The following ARID2 variants were observed in gnomAD, a reference collection of about 807,000 sequenced individuals.
ARID2 encodes the protein AT-rich interactive domain-containing protein 2.
Under a neutral mutation model 184.6 loss-of-function variants are expected in ARID2, and 32 were observed. The ratio of observed to expected loss-of-function variants is 0.17; its 90% CI spans 0.13 to 0.23. The LOEUF is 0.23. ARID2 is among the 10% of genes least tolerant of loss of function. The pLI is 1.00. For synonymous variants in ARID2, 836 were observed against 772.6 expected, an observed-to-expected ratio of 1.08 and a Z score of -1.36; for missense variants, 1,696 against 2,197.6, an observed-to-expected ratio of 0.77 and a Z score of 4.56.
At chr12:45,879,397 AGTC>A (rs1451220196) in intron 16 of ARID2, among the ~76,000 whole-genome samples, 3 of 152,208 alleles carry the variant, frequency 2.0e-5, no homozygotes, top group Non-Finnish European at 4.4e-5. Context: ...ATTTTTCTTC[AGTC>A]TTCACTGTGA....
chr12:45,742,274 C>T (rs1301119216), intron 3 of ARID2, among the ~76,000 whole-genome samples: 2 of 152,088 alleles, frequency 1.3e-5, no homozygotes, highest in African/African-American at 2.4e-5. Context: ...TTTACCTTTT[C>T]TGTGTTTAGA....
At chr12:45,836,462 C>A in intron 6 of ARID2, 127 bp from the exon 7 acceptor site, 1 of 795,396 alleles carries the variant, frequency 1.3e-6, no homozygotes, top group Non-Finnish European at 1.9e-6. Context: ...GTAATCCTCC[C>A]ATCTTGGCCT....
intron 3 of ARID2, among the ~76,000 whole-genome samples, chr12:45,803,486 A>G (rs969473892): frequency 3.3e-5 from 5 of 152,212 alleles, no homozygotes; most frequent in African/African-American, 1.2e-4. Flanking sequence ...TTAAACTTTA[A>G]CAAAGTACTT....
rs776757244 is a variant in ARID2, at chr12:45,851,383, C to A, written c.3260C>A (p.Pro1087His). Residue 1087 changes from proline (P) to histidine (H), a missense_variant, in exon 15 of 21, where the codon CCT (proline) becomes CAT (histidine). Around this residue, in one of 11 missense-constraint regions of ARID2, gnomAD observed 713 missense variants for 824.4 expected, o/e 0.86. Transcript: ENST00000334344. ...CTCCCAGCTCCACAGATTCCTCCCC[C>A]TAATAATGCAAGAGCTCCTAGCCCT... The part of the protein sequence containing the change: ...LILPAPQIPP[P>H]NNARAPSPQV... 1.9e-6 allele frequency: 3 copies of A among 1,614,130 alleles called. No individual in the cohort carries two copies. Among genetic ancestry groups the A allele is most frequent in the Non-Finnish European group, 2.5e-6 (3 of 1,180,006 alleles).
chr12:45,815,719 TGA>T (rs1308362540), intron 4 of ARID2, among the ~76,000 whole-genome samples: 2 of 152,144 alleles, frequency 1.3e-5, no homozygotes, highest in African/African-American at 4.8e-5. Flanking sequence ...TGGAGTGCAG[TGA>T]CTTAACCAAA....
At chr12:45,872,959 AGAGGT>A (rs1297913457) in intron 16 of ARID2, among the ~76,000 whole-genome samples, 2 of 152,238 alleles carry the variant, frequency 1.3e-5, no homozygotes, top group African/African-American at 4.8e-5. Context: ...AATTACTGAT[AGAGGT>A]ATGTTGAAGT....
chr12:45,764,336 T>C (rs1339741515), intron 3 of ARID2, among the ~76,000 whole-genome samples: 1 of 152,032 alleles, frequency 6.6e-6, no homozygotes, highest in Non-Finnish European at 1.5e-5. Flanking sequence ...TTGCTTGACA[T>C]TACTTAAGTA....
At chr12:45,746,717 A>G (rs986149138) in intron 3 of ARID2, among the ~76,000 whole-genome samples, 2 of 152,182 alleles carry the variant, frequency 1.3e-5, no homozygotes, top group African/African-American at 4.8e-5. Flanking sequence ...ATGAGAAAAC[A>G]GGACAAAGGT....
chr12:45,834,654 C>T (rs777503577), intron 6 of ARID2, among the ~76,000 whole-genome samples: 1 of 152,126 alleles, frequency 6.6e-6, no homozygotes, highest in Non-Finnish European at 1.5e-5. Context: ...GAGGCAGAAT[C>T]GCTTGAACCT....
chr12:45,785,024 C>G (rs1184315097), intron 3 of ARID2, among the ~76,000 whole-genome samples: 1 of 152,174 alleles, frequency 6.6e-6, no homozygotes, highest in Non-Finnish European at 1.5e-5. Context: ...TATGAATAAA[C>G]AGCTGAAATC....
At chr12:45,791,607 T>G (rs11183204) in intron 3 of ARID2, among the ~76,000 whole-genome samples, 211 of 152,304 alleles carry the variant, frequency 1.4e-3, no homozygotes, top group Non-Finnish European at 2.6e-3. Context: ...ATTGATTGAT[T>G]GTTTGAGAAA....
intron 3 of ARID2, among the ~76,000 whole-genome samples, chr12:45,781,493 A>G (rs1942089076): frequency 1.3e-5 from 2 of 150,026 alleles, no homozygotes; most frequent in Non-Finnish European, 3.0e-5. Flanking sequence ...ATTGGTCATT[A>G]CTTGCTAGCC....
intron 3 of ARID2, among the ~76,000 whole-genome samples, chr12:45,743,416 A>G (rs1023760423): frequency 2.0e-5 from 3 of 152,134 alleles, no homozygotes; most frequent in African/African-American, 7.2e-5. Context: ...GCTTGAGTGC[A>G]GTGGCTATTC....
At chr12:45,811,053 C>T (rs904002023) in intron 3 of ARID2, among the ~76,000 whole-genome samples, 2 of 151,862 alleles carry the variant, frequency 1.3e-5, no homozygotes, top group Non-Finnish European at 2.9e-5. Flanking sequence ...ACAAAAAATA[C>T]AAAAAATTAG....
intron 15 of ARID2, among the ~76,000 whole-genome samples, chr12:45,859,878 C>T (rs758943959): frequency 6.6e-6 from 1 of 152,216 alleles, no homozygotes; most frequent in Admixed American, 6.5e-5. Context: ...GGATTACAGG[C>T]GCCTGCCACC....
At position 45,852,905 on chromosome 12, in the gene ARID2, T is replaced by C. The variant is rs563763255; in HGVS notation, c.4773+9T>C. 33 of 1,548,626 alleles carry C rather than the reference T, an allele frequency of 2.1e-5. No homozygotes were observed. In the South Asian group the frequency reaches 3.3e-4, roughly 16 times the overall value. ...AGAATGTGGTCCCGCAGGTAAGTTA[T>C]TCCATGATCACATTTCTCTTATGAA... is the stretch of plus-strand genomic sequence containing the variant. On this transcript the variant is annotated intron_variant, in intron 15 of 20. Transcript: ENST00000334344.
At chr12:45,834,196 A>G (rs1288654634) in intron 6 of ARID2, among the ~76,000 whole-genome samples, 1 of 152,092 alleles carries the variant, frequency 6.6e-6, no homozygotes, top group Non-Finnish European at 1.5e-5. Flanking sequence ...CTACTCCAGT[A>G]CCATACTCCA....
At chr12:45,796,338 T>C (rs1386792685) in intron 3 of ARID2, among the ~76,000 whole-genome samples, 1 of 152,142 alleles carries the variant, frequency 6.6e-6, no homozygotes, top group South Asian at 2.1e-4. Flanking sequence ...ACATGGACTT[T>C]TCTTGCATAA....
intron 15 of ARID2, among the ~76,000 whole-genome samples, chr12:45,860,510 A>G (rs1195346724): frequency 6.6e-6 from 1 of 151,946 alleles, no homozygotes; most frequent in Non-Finnish European, 1.5e-5. Flanking sequence ...TTAAATCTAC[A>G]ATTGTATTGT....
Sources: allele counts gnomAD v4.1 joint callset (sites outside exome capture counted in the v4.1 genomes callset), GRCh38; gene constraint gnomAD v4.1.1; regional missense constraint gnomAD v4.1.1; transcripts MANE v1.5; gene names NCBI Gene and HGNC (gene_info 2026-07-23, HGNC 2026-07-21).